Variants in PPP2R5E observed in about 807,000 individuals in gnomAD.
The protein encoded by PPP2R5E is serine/threonine-protein phosphatase 2A 56 kDa regulatory subunit epsilon isoform.
In PPP2R5E, 4 loss-of-function variants were observed where a neutral mutation model predicts 65.3. That is an observed-to-expected ratio of 0.06 (90% CI 0.03 to 0.14). The LOEUF (loss-of-function observed/expected upper bound fraction) is 0.14. Among genes scored for constraint, PPP2R5E ranks in the 10% least tolerant of loss-of-function variants. The probability of loss-of-function intolerance (pLI) is 1.00; values close to 1 mark genes in which losing one functional copy is unlikely to be tolerated. For missense variants in PPP2R5E, 274 were observed against 556.1 expected (o/e 0.49, Z 5.10); for synonymous variants, 183 against 187.4 (o/e 0.98, Z 0.19).
intron 7 of PPP2R5E, 124 bp from the exon 8 acceptor site, chr14:63,394,052 A>C: frequency 2.2e-5 from 8 of 365,130 alleles, no homozygotes; most frequent in Middle Eastern, 6.7e-4. Context: ...TACCCACCCC[A>C]GTGGCATTCA....
At chr14:63,527,525 T>C (rs965368851) in intron 2 of PPP2R5E, among the ~76,000 whole-genome samples, 1 of 152,262 alleles carries the variant, frequency 6.6e-6, no homozygotes, top group African/African-American at 2.4e-5. Flanking sequence ...CTTCAACTCA[T>C]ACAGTGTATC....
At chr14:63,523,387 T>C (rs866342142) in intron 2 of PPP2R5E, among the ~76,000 whole-genome samples, 1 of 152,122 alleles carries the variant, frequency 6.6e-6, no homozygotes, top group African/African-American at 2.4e-5. Flanking sequence ...TGCCTTGGGA[T>C]CCTGTTGATC....
chr14:63,480,327 G>A (rs1890631854), intron 2 of PPP2R5E, among the ~76,000 whole-genome samples: 2 of 152,056 alleles, frequency 1.3e-5, no homozygotes, highest in African/African-American at 2.4e-5. Flanking sequence ...GTGTGTTGGT[G>A]TGCCTGTAAT....
At chr14:63,504,965 A>C (rs969203345) in intron 2 of PPP2R5E, among the ~76,000 whole-genome samples, 2 of 152,232 alleles carry the variant, frequency 1.3e-5, no homozygotes, top group African/African-American at 4.8e-5. Flanking sequence ...TAAGGACTAA[A>C]GTAATCAAGA....
At chr14:63,489,424 T>A (rs1050899530) in intron 2 of PPP2R5E, among the ~76,000 whole-genome samples, 3 of 151,202 alleles carry the variant, frequency 2.0e-5, no homozygotes, top group Admixed American at 1.3e-4. Context: ...TTCTTTTTTT[T>A]TTTTTGAGAC....
chr14:63,464,747 C>T (rs551490177), intron 2 of PPP2R5E, among the ~76,000 whole-genome samples: 2 of 152,288 alleles, frequency 1.3e-5, no homozygotes, highest in African/African-American at 4.8e-5. Context: ...TCTGGCCAGG[C>T]ACGGTGGCTC....
rs149604721 is a variant in PPP2R5E at position 63,395,560 on chromosome 14, G to A, written c.681-275C>T. The stretch of plus-strand genomic sequence containing the variant: ...GGAGGGAAGAGAGGAGGAGAGGAGG[G>A]AAGAGAGGAGGAGAGGAGGGAAGAG... On this transcript the variant is annotated intron_variant, in intron 6 of 13. Coordinates refer to ENST00000337537, the MANE Select transcript of PPP2R5E (RefSeq NM_006246.5). Among the ~76,000 whole-genome samples, 115 of 31,618 alleles carry A rather than the reference G, an allele frequency of 3.6e-3. 3 individuals carry two copies. The highest frequency in any genetic ancestry group is 0.014 in the African/African-American group (81 of 5,966). 20.7% of individuals were successfully genotyped at this position (31,618 alleles called of 152,430 possible). A position where few individuals can be genotyped will look rare whatever the true frequency, so the allele number is the denominator to read the frequency against.
At chr14:63,408,625 A>G (rs1278827819) in intron 5 of PPP2R5E, among the ~76,000 whole-genome samples, 1 of 152,246 alleles carries the variant, frequency 6.6e-6, no homozygotes, top group Non-Finnish European at 1.5e-5. Flanking sequence ...CAAGTTTTTA[A>G]AAAACTAATT....
intron 3 of PPP2R5E, among the ~76,000 whole-genome samples, chr14:63,424,279 C>G (rs1887207307): frequency 6.6e-6 from 1 of 151,906 alleles, no homozygotes; most frequent in African/African-American, 2.4e-5. Context: ...CGGAGAGATT[C>G]AGGGATCTAG....
At chr14:63,434,014 C>T (rs4147456) in intron 3 of PPP2R5E, among the ~76,000 whole-genome samples, 32,101 of 152,012 alleles carry the variant, frequency 0.21, 4,898 homozygotes, top group African/African-American at 0.44. Context: ...GTTTTATTTC[C>T]TTTCAGTAAT....
intron 5 of PPP2R5E, among the ~76,000 whole-genome samples, chr14:63,400,912 A>G (rs985965940): frequency 3.3e-5 from 5 of 152,214 alleles, no homozygotes; most frequent in East Asian, 1.9e-4. Flanking sequence ...TGTAACCAAC[A>G]TAAGAGAAGG....
chr14:63,459,806 C>A (rs1170280056), intron 2 of PPP2R5E, among the ~76,000 whole-genome samples: 1 of 152,180 alleles, frequency 6.6e-6, no homozygotes, highest in Non-Finnish European at 1.5e-5. Context: ...CTTCTTTCAT[C>A]CCCTCCTCCT....
chr14:63,530,491 C>A (rs1329935918), intron 2 of PPP2R5E, among the ~76,000 whole-genome samples: 2 of 151,774 alleles, frequency 1.3e-5, no homozygotes, highest in Non-Finnish European at 2.9e-5. Context: ...CCTTGGCCTC[C>A]CAAAGTGCTA....
At chr14:63,531,669 C>A (rs923696672) in intron 2 of PPP2R5E, among the ~76,000 whole-genome samples, 1 of 151,950 alleles carries the variant, frequency 6.6e-6, no homozygotes, top group Non-Finnish European at 1.5e-5. Flanking sequence ...CACACACACA[C>A]ACGGCCGGGT....
intron 1 of PPP2R5E, among the ~76,000 whole-genome samples, chr14:63,540,430 CAAAAA>C (rs202037803): frequency 4.2e-4 from 31 of 74,644 alleles, no homozygotes; most frequent in African/African-American, 1.3e-3. Flanking sequence ...GAGTCCATCT[CAAAAA>C]AAAAAAAAAA....
At position 63,410,378 on chromosome 14, in the gene PPP2R5E, G is replaced by A. The variant is rs182901110; in HGVS notation, c.549+4762C>T. ...GACGATGGAGTTCAGAAAAATGCAA[G>A]GACAAGCGGGGGTGTGAAAAAGACC... On this transcript the variant is annotated intron_variant, in intron 5 of 13. Coordinates refer to ENST00000337537, the MANE Select transcript of PPP2R5E (RefSeq NM_006246.5). 7.6e-3 allele frequency among the ~76,000 whole-genome samples: 1,160 copies of A among 152,284 alleles called. 7 individuals are homozygous for A. The highest frequency in any genetic ancestry group is 0.013 in the Non-Finnish European group (855 of 68,018).
chr14:63,393,335 T>C (rs1299535735), intron 8 of PPP2R5E, among the ~76,000 whole-genome samples: 1 of 152,216 alleles, frequency 6.6e-6, no homozygotes, highest in African/African-American at 2.4e-5. Flanking sequence ...TCCATGATTC[T>C]ACTGTGCATA....
chr14:63,484,103 A>T (rs1216482675), intron 2 of PPP2R5E, among the ~76,000 whole-genome samples: 1 of 151,060 alleles, frequency 6.6e-6, no homozygotes, highest in Non-Finnish European at 1.5e-5. Context: ...ACTCCCAAGG[A>T]GTTAGAAGCA....
intron 2 of PPP2R5E, among the ~76,000 whole-genome samples, chr14:63,474,673 C>CA (rs1157357885): frequency 0.064 from 1,760 of 27,676 alleles, 399 homozygotes; most frequent in Non-Finnish European, 0.1. Context: ...TACCCCATCT[C>CA]AAAAAAAAAA....
Sources: gnomAD v4.1 joint callset for allele counts (sites outside exome capture counted in the v4.1 genomes callset) on GRCh38, gnomAD v4.1.1 for gene constraint, MANE v1.5 for transcripts, NCBI Gene and HGNC (gene_info 2026-07-23, HGNC 2026-07-21) for gene names.